Variants in LRP1B observed in about 807,000 individuals in gnomAD.
The protein encoded by LRP1B is low-density lipoprotein receptor-related protein 1B.
LRP1B carries 217 observed loss-of-function variants against 556.6 expected under a neutral mutation model. That is an observed-to-expected ratio of 0.39 (90% CI 0.35 to 0.44). The LOEUF is 0.44. Ranked by LOEUF, LRP1B falls within the 20% of genes least tolerant of loss-of-function variation. The pLI is 1.00. For missense variants in LRP1B, 5,053 were observed against 5,620.8 expected, an observed-to-expected ratio of 0.90 and a Z score of 3.23; for synonymous variants, 2,047 against 1,865.8, an observed-to-expected ratio of 1.10 and a Z score of -2.50.
At chr2:141,078,856 ACT>A (rs1009545519) in intron 7 of LRP1B, among the ~76,000 whole-genome samples, 2 of 152,166 alleles carry the variant, frequency 1.3e-5, no homozygotes, top group Non-Finnish European at 2.9e-5. Context: ...ATGAAAATAA[ACT>A]CTGAGTTAAT....
chr2:141,796,044 T>C (rs1483722949), intron 2 of LRP1B, among the ~76,000 whole-genome samples: 1 of 151,260 alleles, frequency 6.6e-6, no homozygotes, highest in Non-Finnish European at 1.5e-5. Context: ...TAGTATATTA[T>C]TGATAGCCAA....
chr2:141,235,722 G>A (rs1683626423), intron 5 of LRP1B, among the ~76,000 whole-genome samples: 1 of 152,102 alleles, frequency 6.6e-6, no homozygotes, highest in African/African-American at 2.4e-5. Flanking sequence ...TATTTTAGGA[G>A]CCAGACACTG....
chr2:141,113,980 A>C (rs533610549), intron 7 of LRP1B, among the ~76,000 whole-genome samples: 21 of 152,394 alleles, frequency 1.4e-4, no homozygotes, highest in Admixed American at 1.3e-3. Context: ...GCATTTATTT[A>C]ACAGGTCATT....
chr2:141,477,106 G>C (rs1682737249), intron 3 of LRP1B, among the ~76,000 whole-genome samples: 1 of 149,270 alleles, frequency 6.7e-6, no homozygotes, highest in Non-Finnish European at 1.5e-5. Context: ...CTGGGCAAAA[G>C]AGCGAAACTC....
intron 41 of LRP1B, among the ~76,000 whole-genome samples, chr2:140,695,118 T>C (rs1308853628): frequency 6.6e-6 from 1 of 151,652 alleles, no homozygotes; most frequent in East Asian, 2.0e-4. Flanking sequence ...AATCCATGTG[T>C]TGTGGAAATT....
chr2:141,922,034 C>T (rs1331832356), intron 1 of LRP1B, among the ~76,000 whole-genome samples: 1 of 151,868 alleles, frequency 6.6e-6, no homozygotes, highest in East Asian at 1.9e-4. Context: ...ATTATTAATC[C>T]TTAAATATTA....
intron 3 of LRP1B, among the ~76,000 whole-genome samples, chr2:141,376,650 G>C (rs1180904303): frequency 1.3e-5 from 2 of 152,032 alleles, no homozygotes; most frequent in Non-Finnish European, 1.5e-5. Flanking sequence ...TAGATTTCTA[G>C]ATATTTGAAG....
At chr2:140,417,786 T>C (rs1685263758) in intron 66 of LRP1B, among the ~76,000 whole-genome samples, 1 of 152,320 alleles carries the variant, frequency 6.6e-6, no homozygotes, top group South Asian at 2.1e-4. Flanking sequence ...AAATGTCATC[T>C]GAACTTAACA....
intron 1 of LRP1B, among the ~76,000 whole-genome samples, chr2:142,129,658 C>CCA (rs1203332544): frequency 6.9e-6 from 1 of 145,868 alleles, no homozygotes; most frequent in Non-Finnish European, 1.5e-5. Flanking sequence ...CTGAACTATA[C>CCA]CAGTCAATAT....
At chr2:140,364,873 T>C (rs1384448497) in intron 71 of LRP1B, 90 bp from the exon 72 acceptor site, 1 of 1,135,686 alleles carries the variant, frequency 8.8e-7, no homozygotes, top group Non-Finnish European at 1.3e-6. Context: ...TAGCAAACAG[T>C]ATCTAGTTGA....
At chr2:140,904,290 A>C (rs1267332140) in intron 22 of LRP1B, among the ~76,000 whole-genome samples, 1 of 152,114 alleles carries the variant, frequency 6.6e-6, no homozygotes, top group East Asian at 1.9e-4. Flanking sequence ...ATTATCTACC[A>C]CTGTGTACCA....
intron 37 of LRP1B, among the ~76,000 whole-genome samples, chr2:140,710,338 A>T (rs1490944936): frequency 2.0e-5 from 3 of 152,088 alleles, no homozygotes; most frequent in Non-Finnish European, 2.9e-5. Flanking sequence ...TTGTGACAAC[A>T]GGAAAAGAGA....
chr2:140,895,567 T>C (rs1400819504), intron 23 of LRP1B, among the ~76,000 whole-genome samples: 1 of 152,144 alleles, frequency 6.6e-6, no homozygotes. Flanking sequence ...TACCGTGCGC[T>C]CTTTTACTTT....
rs181945317 is a variant in LRP1B at position 140,575,806 on chromosome 2, T to C, written c.7194+22825A>G. On this transcript the variant is annotated intron_variant, in intron 43 of 90. Transcript: ENST00000389484. ...TGTGCATGGTGGTGTGTGCCTGTAG[T>C]CTCAGCTACTCGGGAGGCTGAGGCA... Among the ~76,000 whole-genome samples the C allele has an allele frequency of 2.2e-3, 337 of 152,020 alleles. 1 individual carries two copies. Among genetic ancestry groups the C allele is most frequent in the Non-Finnish European group, 1.0e-3 (71 of 67,990 alleles).
In LRP1B at chr2:141,035,986, T is replaced by C. The variant is rs190237770; in HGVS notation, c.1789+13000A>G. Among the ~76,000 whole-genome samples the C allele has an allele frequency of 3.4e-4, 51 of 152,222 alleles. No homozygotes were observed. In the East Asian group the frequency reaches 9.5e-3, roughly 28 times the overall value. The stretch of plus-strand genomic sequence containing the variant: ...CAAATTCCTATTTGCACTCATGAAC[T>C]ATAAACATTCAGAGCTCGGCTTTGC... On this transcript the variant is annotated intron_variant, in intron 11 of 90. Coordinates refer to ENST00000389484, the MANE Select transcript of LRP1B (RefSeq NM_018557.3).
chr2:141,178,175 C>G (rs1262031), intron 7 of LRP1B, among the ~76,000 whole-genome samples: 151,923 of 152,212 alleles, frequency 1, 75,817 homozygotes, highest in Non-Finnish European at 1. Flanking sequence ...GCCCCAGGGG[C>G]AGGATATTCC....
chr2:140,715,710 A>G (rs1212142190), intron 37 of LRP1B, among the ~76,000 whole-genome samples: 1 of 152,098 alleles, frequency 6.6e-6, no homozygotes, highest in Non-Finnish European at 1.5e-5. Flanking sequence ...ATTCTAAGGA[A>G]GAGATTTAAA....
chr2:141,093,834 C>T (rs1430253415), intron 7 of LRP1B, among the ~76,000 whole-genome samples: 1 of 152,070 alleles, frequency 6.6e-6, no homozygotes, highest in Non-Finnish European at 1.5e-5. Context: ...CCTGTCTCAG[C>T]CTCCCAAGTA....
rs1688383152 is a variant in LRP1B, at chr2:141,618,269, T to A, written c.206-137736A>T. 3.9e-5 allele frequency among the ~76,000 whole-genome samples: 6 copies of A among 152,166 alleles called. No homozygotes were observed. The South Asian group carries it at 1.2e-3, about 32-fold the overall frequency. On this transcript the variant is annotated intron_variant, in intron 2 of 90. Transcript: ENST00000389484. ...GATTACAGCAAAAGGCAACTGAGAA[T>A]CCTAGTTCCTTCCACAGATTCCTAT...
Sources: gnomAD v4.1 joint callset for allele counts (sites outside exome capture counted in the v4.1 genomes callset) on GRCh38, gnomAD v4.1.1 for gene constraint, MANE v1.5 for transcripts, NCBI Gene and HGNC (gene_info 2026-07-23, HGNC 2026-07-21) for gene names.